TMEFF2: variants seen among roughly 807,000 people sequenced by gnomAD.
TMEFF2 encodes transmembrane protein with EGF like and two follistatin like domains 2.
Under a neutral mutation model 53.8 loss-of-function variants are expected in TMEFF2, and 28 were observed. The ratio of observed to expected loss-of-function variants is 0.52; its 90% CI spans 0.39 to 0.71. The LOEUF (loss-of-function observed/expected upper bound fraction) is 0.71, where lower values mean the gene tolerates loss of function less well. TMEFF2 is among the 30% of genes least tolerant of loss of function. TMEFF2 has a pLI of 0.00. For synonymous variants in TMEFF2, 162 were observed against 166.3 expected (o/e 0.97, Z 0.20); for missense variants, 353 against 455.2 (o/e 0.78, Z 2.04).
chr2:192,124,234 T>A (rs1559136460), intron 4 of TMEFF2, among the ~76,000 whole-genome samples: 1 of 152,240 alleles, frequency 6.6e-6, no homozygotes, highest in East Asian at 1.9e-4. Flanking sequence ...CAAAAATGAA[T>A]GTCTAGTCTG....
chr2:191,991,090 ATTATG>A (rs1042951975), intron 7 of TMEFF2, among the ~76,000 whole-genome samples: 5 of 152,100 alleles, frequency 3.3e-5, no homozygotes, highest in African/African-American at 1.2e-4. Context: ...CCATACATAA[ATTATG>A]TTGACTAGAG....
intron 7 of TMEFF2, among the ~76,000 whole-genome samples, chr2:191,986,799 C>T (rs1028328050): frequency 7.6e-5 from 11 of 145,582 alleles, no homozygotes; most frequent in Admixed American, 6.3e-4. Context: ...CAGAGGTTGC[C>T]GTGAGCTGAC....
chr2:192,030,683 G>A (rs946190052), intron 5 of TMEFF2: 1 of 152,072 alleles, frequency 6.6e-6, no homozygotes, highest in Admixed American at 6.5e-5. Context: ...TCAGTGAGGT[G>A]ATTATTAAGA....
chr2:192,082,055 C>T (rs1442859816), intron 4 of TMEFF2, among the ~76,000 whole-genome samples: 5 of 152,200 alleles, frequency 3.3e-5, no homozygotes, highest in Non-Finnish European at 7.4e-5. Context: ...CCGTCTTGGC[C>T]TCCCAAAGTG....
intron 7 of TMEFF2, among the ~76,000 whole-genome samples, chr2:191,962,401 G>A (rs1692299389): frequency 6.6e-6 from 1 of 152,136 alleles, no homozygotes; most frequent in Non-Finnish European, 1.5e-5. Context: ...TAAAGTGTAA[G>A]AAAACTAATT....
At chr2:192,133,145 G>A (rs998282752) in intron 4 of TMEFF2, among the ~76,000 whole-genome samples, 19 of 152,012 alleles carry the variant, frequency 1.2e-4, no homozygotes, top group African/African-American at 2.7e-4. Flanking sequence ...CTCCTTTTTA[G>A]TTATCCCCAC....
intron 7 of TMEFF2, among the ~76,000 whole-genome samples, chr2:191,993,093 G>A (rs1411347667): frequency 6.6e-6 from 1 of 152,018 alleles, no homozygotes; most frequent in Non-Finnish European, 1.5e-5. Context: ...TCTTTCACAT[G>A]TTTGTTGTGA....
intron 4 of TMEFF2, among the ~76,000 whole-genome samples, chr2:192,136,380 T>C (rs1690008344): frequency 6.6e-6 from 1 of 152,214 alleles, no homozygotes; most frequent in Non-Finnish European, 1.5e-5. Flanking sequence ...TCAGCTTCCT[T>C]ATCTCTTGCC....
At chr2:192,116,838 C>T (rs1485238015) in intron 4 of TMEFF2, among the ~76,000 whole-genome samples, 1 of 152,024 alleles carries the variant, frequency 6.6e-6, no homozygotes, top group Non-Finnish European at 1.5e-5. Flanking sequence ...ATTAAAAATG[C>T]TAAATCTCAG....
At chr2:191,966,186 G>C (rs1350832808) in intron 7 of TMEFF2, among the ~76,000 whole-genome samples, 1 of 152,154 alleles carries the variant, frequency 6.6e-6, no homozygotes. Flanking sequence ...ACTTTTTGTA[G>C]GTGAGGGTGG....
chr2:192,103,241 A>G (rs924378198), intron 4 of TMEFF2, among the ~76,000 whole-genome samples: 2 of 152,188 alleles, frequency 1.3e-5, no homozygotes, highest in African/African-American at 2.4e-5. Context: ...GAATATCACT[A>G]TCCCAAAGTG....
intron 7 of TMEFF2, 50 bp downstream of exon 7, chr2:191,998,212 C>G: frequency 7.1e-7 from 1 of 1,405,696 alleles, no homozygotes; most frequent in Non-Finnish European, 9.8e-7. Flanking sequence ...TTTCCCAGGA[C>G]TCTCTTTTAA....
At chr2:192,100,347 T>G (rs1689006156) in intron 4 of TMEFF2, among the ~76,000 whole-genome samples, 6 of 152,164 alleles carry the variant, frequency 3.9e-5, no homozygotes, top group Admixed American at 3.3e-4. Flanking sequence ...AAGTTTGACT[T>G]CAAATGTTAT....
At chr2:192,086,207 C>T (rs577844578) in intron 4 of TMEFF2, among the ~76,000 whole-genome samples, 96 of 152,204 alleles carry the variant, frequency 6.3e-4, no homozygotes, top group Admixed American at 1.8e-3. Context: ...TTGGCATATC[C>T]GGTTGTTGGT....
rs558659645 is a variant in TMEFF2, at chr2:192,156,854, A to G, written c.439+22814T>C. Reference sequence around the variant, plus strand: ...GAGACCACGCAGAAGGATCACTGGGATTATTAGTCTAAACTGTTCCTTTTA... The same window carrying G: ...GAGACCACGCAGAAGGATCACTGGGGTTATTAGTCTAAACTGTTCCTTTTA... On this transcript the variant is annotated intron_variant, in intron 4 of 9. Transcript: ENST00000272771. Among the ~76,000 whole-genome samples the G allele has an allele frequency of 4.6e-5, 7 of 152,184 alleles. No homozygotes were observed. The East Asian group carries it at 1.4e-3, about 29-fold the overall frequency.
At chr2:192,108,893 GTT>G (rs1689212400) in intron 4 of TMEFF2, among the ~76,000 whole-genome samples, 3 of 151,974 alleles carry the variant, frequency 2.0e-5, no homozygotes, top group Admixed American at 6.6e-5. Context: ...GCTGATTTAT[GTT>G]ACAACATTAA....
At chr2:192,133,782 G>C (rs1001027928) in intron 4 of TMEFF2, among the ~76,000 whole-genome samples, 2 of 152,162 alleles carry the variant, frequency 1.3e-5, no homozygotes, top group East Asian at 1.9e-4. Flanking sequence ...CTGCCGCAAG[G>C]CTTCACAGAC....
At chr2:192,145,703 T>C (rs1213352238) in intron 4 of TMEFF2, among the ~76,000 whole-genome samples, 3 of 152,024 alleles carry the variant, frequency 2.0e-5, no homozygotes, top group Non-Finnish European at 2.9e-5. Flanking sequence ...CTTTAAATAC[T>C]GTACTGTCAA....
chr2:191,990,051 C>T (rs1686067051), intron 7 of TMEFF2, among the ~76,000 whole-genome samples: 1 of 152,102 alleles, frequency 6.6e-6, no homozygotes, highest in Admixed American at 6.6e-5. Context: ...TCCTAGATTA[C>T]TAGGCCACCA....
Sources: gnomAD v4.1 joint callset for allele counts (sites outside exome capture counted in the v4.1 genomes callset) on GRCh38, gnomAD v4.1.1 for gene constraint, MANE v1.5 for transcripts, NCBI Gene and HGNC (gene_info 2026-07-23, HGNC 2026-07-21) for gene names.